Variants in KAZN observed in about 807,000 individuals in gnomAD.
KAZN encodes the protein kazrin.
Under a neutral mutation model 87.4 loss-of-function variants are expected in KAZN, and 40 were observed. The ratio of observed to expected loss-of-function variants is 0.46; its 90% CI spans 0.36 to 0.60. The LOEUF (loss-of-function observed/expected upper bound fraction) is 0.60. Ranked by LOEUF, KAZN falls within the 20% of genes least tolerant of loss-of-function variation. KAZN has a pLI of 0.00. For synonymous variants in KAZN, 466 were observed against 458.3 expected (o/e 1.02, Z -0.22); for missense variants, 898 against 1,073.9 (o/e 0.84, Z 2.29).
At chr1:14,858,366 C>A (rs923428161) in intron 1 of KAZN, among the ~76,000 whole-genome samples, 2 of 152,004 alleles carry the variant, frequency 1.3e-5, no homozygotes, top group Non-Finnish European at 2.9e-5. Flanking sequence ...GCGCCTGCCA[C>A]CATGTCCACC....
intron 2 of KAZN, among the ~76,000 whole-genome samples, chr1:14,330,116 A>C (rs1247961946): frequency 6.6e-6 from 1 of 152,180 alleles, no homozygotes; most frequent in Non-Finnish European, 1.5e-5. Flanking sequence ...ATGGAAGCAA[A>C]GGAAACTCCA....
chr1:14,668,171 C>T (rs1011989056), intron 1 of KAZN, among the ~76,000 whole-genome samples: 2 of 152,110 alleles, frequency 1.3e-5, no homozygotes, highest in South Asian at 2.1e-4. Flanking sequence ...TGAAAGTCTC[C>T]GAGAAACCTG....
At chr1:14,168,509 C>A (rs904817381) in intron 1 of KAZN, among the ~76,000 whole-genome samples, 7 of 152,158 alleles carry the variant, frequency 4.6e-5, no homozygotes, top group African/African-American at 1.2e-4. Flanking sequence ...TTAGAGGTGG[C>A]CTTTTTTGCT....
intron 1 of KAZN, among the ~76,000 whole-genome samples, chr1:14,675,519 G>T (rs1433233879): frequency 6.6e-6 from 1 of 152,140 alleles, no homozygotes; most frequent in Non-Finnish European, 1.5e-5. Context: ...CAAGTGTGTG[G>T]CATCCAGTCA....
At chr1:14,120,309 C>T (rs1357683318) in intron 1 of KAZN, among the ~76,000 whole-genome samples, 1 of 151,994 alleles carries the variant, frequency 6.6e-6, no homozygotes, top group African/African-American at 2.4e-5. Flanking sequence ...TTTTAAACAA[C>T]CAGGTCTCGT....
intron 1 of KAZN, among the ~76,000 whole-genome samples, chr1:14,078,581 C>T (rs72861275): frequency 0.014 from 2,089 of 152,234 alleles, 45 homozygotes; most frequent in African/African-American, 0.047. Context: ...GTTGGAACAC[C>T]GGCAGATTGA....
chr1:14,322,330 T>C (rs1656105507), intron 2 of KAZN, among the ~76,000 whole-genome samples: 1 of 152,142 alleles, frequency 6.6e-6, no homozygotes, highest in Admixed American at 6.6e-5. Flanking sequence ...CTCTAACCAG[T>C]TGCATTTGCC....
chr1:14,458,731 G>T (rs1047263625), intron 2 of KAZN, among the ~76,000 whole-genome samples: 3 of 152,146 alleles, frequency 2.0e-5, no homozygotes, highest in Non-Finnish European at 4.4e-5. Context: ...TTTGGAAGTG[G>T]CAGACACTTC....
intron 1 of KAZN, among the ~76,000 whole-genome samples, chr1:14,925,495 G>T (rs991318205): frequency 6.6e-6 from 1 of 152,158 alleles, no homozygotes; most frequent in Non-Finnish European, 1.5e-5. Flanking sequence ...TCACAACCCT[G>T]GGAGTGAGGC....
intron 2 of KAZN, among the ~76,000 whole-genome samples, chr1:14,426,599 C>T (rs1439417724): frequency 1.3e-5 from 2 of 152,138 alleles, no homozygotes; most frequent in Non-Finnish European, 2.9e-5. Flanking sequence ...TACCCAAAAA[C>T]CATCTTGTGG....
chr1:14,155,804 C>T (rs1268674097), intron 1 of KAZN, among the ~76,000 whole-genome samples: 1 of 152,092 alleles, frequency 6.6e-6, no homozygotes, highest in Non-Finnish European at 1.5e-5. Context: ...TATACACCAC[C>T]ATGTCCAGTT....
chr1:14,254,681 A>G (rs555934399), intron 2 of KAZN, among the ~76,000 whole-genome samples: 36 of 152,258 alleles, frequency 2.4e-4, no homozygotes, highest in African/African-American at 7.7e-4. Context: ...TTGCATTGCT[A>G]TAAAGAAATA....
chr1:14,639,721 G>T (rs981527430), intron 1 of KAZN, among the ~76,000 whole-genome samples: 1 of 151,982 alleles, frequency 6.6e-6, no homozygotes, highest in African/African-American at 2.4e-5. Context: ...GGATAGACTT[G>T]TAGATGGACT....
chr1:14,954,343 A>C (rs374847736), intron 1 of KAZN, among the ~76,000 whole-genome samples: 4 of 152,246 alleles, frequency 2.6e-5, no homozygotes, highest in Non-Finnish European at 5.9e-5. Flanking sequence ...CTTTGGGCAA[A>C]GGCCAGGAGA....
intron 4 of KAZN, among the ~76,000 whole-genome samples, chr1:15,055,296 G>A (rs940367225): frequency 6.6e-6 from 1 of 152,166 alleles, no homozygotes; most frequent in Admixed American, 6.5e-5. Flanking sequence ...GGCCAACATG[G>A]TGAAACCCCA....
At chr1:14,264,105 A>G (rs1219470443) in intron 2 of KAZN, among the ~76,000 whole-genome samples, 3 of 152,262 alleles carry the variant, frequency 2.0e-5, no homozygotes, top group Non-Finnish European at 4.4e-5. Flanking sequence ...ATCAGGGTAC[A>G]GTGTGAGTCA....
intron 1 of KAZN, among the ~76,000 whole-genome samples, chr1:13,986,545 A>G (rs186623568): frequency 7.9e-5 from 12 of 152,364 alleles, no homozygotes; most frequent in African/African-American, 2.9e-4. Flanking sequence ...GATAAAATAC[A>G]TTAATTTGAC....
intron 1 of KAZN, among the ~76,000 whole-genome samples, chr1:14,105,055 C>T (rs1644337687): frequency 6.6e-6 from 1 of 152,154 alleles, no homozygotes; most frequent in African/African-American, 2.4e-5. Context: ...AACTCTGTGT[C>T]TCAAGGGATA....
intron 2 of KAZN, among the ~76,000 whole-genome samples, chr1:14,245,720 C>T (rs1014420853): frequency 6.6e-6 from 1 of 152,140 alleles, no homozygotes; most frequent in South Asian, 2.1e-4. Flanking sequence ...AGCTGTGTTC[C>T]TGTTTCCTTA....
Sources: gnomAD v4.1 joint callset for allele counts (sites outside exome capture counted in the v4.1 genomes callset) on GRCh38, gnomAD v4.1.1 for gene constraint, MANE v1.5 for transcripts, NCBI Gene and HGNC (gene_info 2026-07-23, HGNC 2026-07-21) for gene names.